FBXO39: variants seen among roughly 807,000 people sequenced by gnomAD.
The protein encoded by FBXO39 is F-box protein 39.
In FBXO39, 22 loss-of-function variants were observed where a neutral mutation model predicts 36.6. The ratio of observed to expected loss-of-function variants is 0.60; its 90% CI spans 0.43 to 0.86. FBXO39 has a LOEUF of 0.86. FBXO39 is among the 40% of genes least tolerant of loss of function. The probability of loss-of-function intolerance (pLI) is 0.00; values close to 1 mark genes in which losing one functional copy is unlikely to be tolerated. For synonymous variants in FBXO39, 206 were observed against 205.8 expected, an observed-to-expected ratio of 1.00 and a Z score of -0.01; for missense variants, 536 against 543.9, an observed-to-expected ratio of 0.99 and a Z score of 0.14.
intron 2 of FBXO39, among the ~76,000 whole-genome samples, chr17:6,784,208 C>G (rs1976539740): frequency 6.6e-6 from 1 of 152,032 alleles, no homozygotes. Flanking sequence ...TGATAAAATT[C>G]AACATTCCTT....
intron 2 of FBXO39, among the ~76,000 whole-genome samples, chr17:6,781,423 T>C (rs1263437373): frequency 6.6e-6 from 1 of 152,140 alleles, no homozygotes; most frequent in East Asian, 1.9e-4. Context: ...CCTAATCTAG[T>C]AGCTTTCTCA....
chr17:6,779,773 T>C lies in FBXO39; in HGVS notation c.-80-16T>C. 2 of 1,335,228 alleles carry C rather than the reference T, an allele frequency of 1.5e-6. No homozygotes were observed. Among genetic ancestry groups the C allele is most frequent in the Non-Finnish European group, 1.0e-6 (1 of 974,600 alleles). The allele number at this position is 1,335,228 out of a possible 1,614,324, so 82.7% of individuals were successfully genotyped here. A position where few individuals can be genotyped will look rare whatever the true frequency, so the allele number is the denominator to read the frequency against. On this transcript the variant is annotated splice_polypyrimidine_tract_variant and intron_variant, in intron 1 of 3. Coordinates refer to ENST00000321535, the MANE Select transcript of FBXO39 (RefSeq NM_153230.3). ...CTGTTTGACAGGTAATGGCTCTTCC[T>C]TTTTATTCCCCACAGAAAGCAAGTG...
Position 6,780,666 on chromosome 17 carries a change from G to C in FBXO39, c.798G>C (p.Gln266His), listed in dbSNP as rs745363712. 1 of 1,614,144 alleles carries C rather than the reference G, an allele frequency of 6.2e-7. No homozygotes were observed. Among genetic ancestry groups the C allele is most frequent in the African/African-American group, 1.3e-5 (1 of 75,036 alleles). ...GCCACGTTCATGACCCCCACGGACA[G>C]GTCATCTGGGGTATGTCCTGGGCCA... ...IKCHVHDPHG[Q>H]VIWGMSWAKL... Residue 266 changes from glutamine (Q) to histidine (H), a missense_variant, in exon 2 of 4, where the codon CAG becomes CAC. By Grantham distance (24) the Gln-to-His change is conservative. Coordinates refer to ENST00000321535, the MANE Select transcript of FBXO39 (RefSeq NM_153230.3).
intron 2 of FBXO39, among the ~76,000 whole-genome samples, chr17:6,786,342 G>A (rs1171687694): frequency 6.6e-6 from 1 of 152,148 alleles, no homozygotes; most frequent in Non-Finnish European, 1.5e-5. Flanking sequence ...GCTTACCAGA[G>A]GCTGGGAAGG....
chr17:6,779,765 G>A, intron 1 of FBXO39, 24 bp from the exon 2 acceptor site: 1 of 1,226,788 alleles, frequency 8.2e-7, no homozygotes, highest in Non-Finnish European at 1.1e-6. Flanking sequence ...ACAGGTAATG[G>A]CTCTTCCTTT....
At chr17:6,777,080 G>A (rs1258506532) in intron 1 of FBXO39, among the ~76,000 whole-genome samples, 2 of 152,156 alleles carry the variant, frequency 1.3e-5, no homozygotes, top group East Asian at 1.9e-4. Flanking sequence ...AGGTTTCATG[G>A]AGCTTTTATT....
At chr17:6,787,018 G>T in intron 3 of FBXO39, 62 bp downstream of exon 3, 1 of 1,537,670 alleles carries the variant, frequency 6.5e-7, no homozygotes, top group Admixed American at 2.0e-5. Context: ...TGGTGCTTCT[G>T]CTCTGGAACG....
At chr17:6,786,246 G>A (rs1193817991) in intron 2 of FBXO39, among the ~76,000 whole-genome samples, 5 of 152,136 alleles carry the variant, frequency 3.3e-5, no homozygotes, top group Admixed American at 6.5e-5. Flanking sequence ...GCTAGGCACC[G>A]AAGGACAAAC....
Position 6,779,770 on chromosome 17 carries a change from T to A in FBXO39, c.-80-19T>A. 3.1e-6 allele frequency: 4 copies of A among 1,282,734 alleles called. No homozygotes were observed. The highest frequency in any genetic ancestry group is 3.2e-6 in the Non-Finnish European group (3 of 928,062). The allele number at this position is 1,282,734 out of a possible 1,614,324, so 79.5% of individuals were successfully genotyped here. A position where few individuals can be genotyped will look rare whatever the true frequency, so the allele number is the denominator to read the frequency against. On this transcript the variant is annotated intron_variant, in intron 1 of 3. Coordinates refer to ENST00000321535, the MANE Select transcript of FBXO39 (RefSeq NM_153230.3). Reference sequence around the variant, plus strand: ...TCTCTGTTTGACAGGTAATGGCTCTTCCTTTTTATTCCCCACAGAAAGCAA... The same window carrying A: ...TCTCTGTTTGACAGGTAATGGCTCTACCTTTTTATTCCCCACAGAAAGCAA...
chr17:6,786,935 G>T lies in FBXO39; in HGVS notation c.1179G>T (p.Gln393His), dbSNP rs1811712521. Residue 393 changes from glutamine to histidine, a missense_variant, in exon 3 of 4, where the codon CAG becomes CAT. Gln to His is a conservative substitution (Grantham distance 24). Coordinates refer to ENST00000321535, the MANE Select transcript of FBXO39 (RefSeq NM_153230.3). ...ERILKSQKER[Q>H]CALRVFKARI... Reference sequence around the variant, plus strand: ...TCCTGAAGAGTCAGAAAGAACGGCAGTGTGCCCTGCGTGTATTCAAGGTAA... The same window carrying T: ...TCCTGAAGAGTCAGAAAGAACGGCATTGTGCCCTGCGTGTATTCAAGGTAA... The T allele has an allele frequency of 6.2e-7, 1 of 1,613,610 alleles. No homozygotes were observed. The highest frequency in any genetic ancestry group is 1.3e-5 in the African/African-American group (1 of 74,938).
At position 6,780,791 on chromosome 17, in the gene FBXO39, T is replaced by A; in HGVS notation, c.923T>A (p.Ile308Asn). The A allele has an allele frequency of 6.2e-7, 1 of 1,614,038 alleles. No homozygotes were observed. Among genetic ancestry groups the A allele is most frequent in the Non-Finnish European group, 8.5e-7 (1 of 1,180,018 alleles). Residue 308 changes from isoleucine to asparagine, a missense_variant, in exon 2 of 4, where the codon ATC becomes AAC. Transcript: ENST00000321535. ...CGAATCCTCTTGCAGGAGATCCCGA[T>A]CAGGAGCATCAGTCTGAGAAGCTGC... is the stretch of plus-strand genomic sequence containing the variant. ...LARILLQEIPIRSISLRSCYF... is the reference protein window; with the variant it reads ...LARILLQEIPNRSISLRSCYF...
chr17:6,781,680 A>G (rs1976510537), intron 2 of FBXO39, among the ~76,000 whole-genome samples: 1 of 152,166 alleles, frequency 6.6e-6, no homozygotes, highest in South Asian at 2.1e-4. Context: ...GGCTGGGACG[A>G]GCACCTTGTA....
rs777144458 is a variant in FBXO39, at chr17:6,780,759, C to T, written c.891C>T (p.Arg297=). 6.2e-7 allele frequency: 1 copy of T among 1,614,132 alleles called. No individual in the cohort carries two copies. The highest frequency in any genetic ancestry group is 1.1e-5 in the South Asian group (1 of 91,082). Residue 297 remains arginine, a synonymous_variant, in exon 2 of 4, where the codon CGC becomes CGT. Transcript: ENST00000321535. ...FFFERIMKYE[R]LARILLQEIP... ...TTGAACGGATCATGAAGTACGAACG[C>T]TTGGCCCGAATCCTCTTGCAGGAGA...
rs1285043934 is a variant in FBXO39 at position 6,787,389 on chromosome 17, A to G, written c.1290A>G (p.Ser430=). The change falls in exon 4 of 4, where the codon TCA becomes TCG. Residue 430 remains serine (S), a synonymous_variant. Coordinates refer to ENST00000321535, the MANE Select transcript of FBXO39 (RefSeq NM_153230.3). Reference sequence around the variant, plus strand: ...GGAAGTACAGAAAGCTGATCGAATCAGAGCTTAGCTATTTTGTCATCGTTT... The same window carrying G: ...GGAAGTACAGAAAGCTGATCGAATCGGAGCTTAGCTATTTTGTCATCGTTT... ...IYRKYRKLIE[S]ELSYFVIVYS... is the part of the protein sequence containing the mutation. The G allele has an allele frequency of 6.2e-7, 1 of 1,614,156 alleles. No homozygotes were observed. Among genetic ancestry groups the G allele is most frequent in the South Asian group, 1.1e-5 (1 of 91,074 alleles).
intron 2 of FBXO39, among the ~76,000 whole-genome samples, chr17:6,784,953 G>GTGTATATATATATA (rs1302291142): frequency 8.8e-6 from 1 of 113,830 alleles, no homozygotes; most frequent in African/African-American, 3.7e-5. Flanking sequence ...GTGTGTGTGT[G>GTGTATATATATATA]TATATATATA....
intron 1 of FBXO39, among the ~76,000 whole-genome samples, chr17:6,776,923 C>T (rs955863689): frequency 6.6e-6 from 1 of 151,880 alleles, no homozygotes; most frequent in Non-Finnish European, 1.5e-5. Context: ...GATGGGGTCT[C>T]GGGGGGTAAG....
chr17:6,778,666 A>G (rs981011324), intron 1 of FBXO39, among the ~76,000 whole-genome samples: 8 of 152,288 alleles, frequency 5.3e-5, no homozygotes, highest in Middle Eastern at 3.4e-3. Context: ...ACTTTGAACA[A>G]TGGGGGTTTG....
chr17:6,781,289 G>A (rs1360352037), intron 2 of FBXO39, among the ~76,000 whole-genome samples: 3 of 152,200 alleles, frequency 2.0e-5, no homozygotes, highest in African/African-American at 7.2e-5. Flanking sequence ...CTCAGTGGGG[G>A]ATCTGTCTGG....
Position 6,787,432 on chromosome 17 carries a change from G to T in FBXO39, c.*4G>T. On this transcript the variant is annotated 3_prime_UTR_variant, in exon 4 of 4. Coordinates refer to ENST00000321535, the MANE Select transcript of FBXO39 (RefSeq NM_153230.3). ...CATCGTTTACTCTGTGATGTAATGAGCACTCTACAGATGAAGAAAGCTGGG... is the reference window on the plus strand; with the variant it reads ...CATCGTTTACTCTGTGATGTAATGATCACTCTACAGATGAAGAAAGCTGGG... 6.2e-7 allele frequency: 1 copy of T among 1,613,664 alleles called. No individual in the cohort carries two copies. The highest frequency in any genetic ancestry group is 8.5e-7 in the Non-Finnish European group (1 of 1,179,732).
Sources: allele counts gnomAD v4.1 joint callset (sites outside exome capture counted in the v4.1 genomes callset), GRCh38; gene constraint gnomAD v4.1.1; transcripts MANE v1.5; gene names NCBI Gene and HGNC (gene_info 2026-07-23, HGNC 2026-07-21).